Variants in STK32B observed in about 807,000 individuals in gnomAD.
STK32B encodes serine/threonine-protein kinase 32B.
STK32B carries 43 observed loss-of-function variants against 52.6 expected under a neutral mutation model. That is an observed-to-expected ratio of 0.82 (90% CI 0.64 to 1.05). The LOEUF (loss-of-function observed/expected upper bound fraction) is 1.05. STK32B is among the 50% of genes least tolerant of loss of function. STK32B has a pLI of 0.00. For synonymous variants in STK32B, 238 were observed against 204.3 expected, an observed-to-expected ratio of 1.17 and a Z score of -1.41; for missense variants, 621 against 534.6, an observed-to-expected ratio of 1.16 and a Z score of -1.59.
rs73211133 is a variant in STK32B at position 5,320,076 on chromosome 4, C to T, written c.261-11144C>T. ...GAGGGTGGAACAGACACTGATGAGC[C>T]AATTCAAGTCTCCACTCTACCTAGA... On this transcript the variant is annotated intron_variant, in intron 3 of 11. Transcript: ENST00000282908. Among the ~76,000 whole-genome samples, 181 of 152,278 alleles carry T rather than the reference C, an allele frequency of 1.2e-3. 1 individual carries two copies. The highest frequency in any genetic ancestry group is 2.2e-3 in the Non-Finnish European group (149 of 68,028).
At chr4:5,294,849 T>C (rs6446348) in intron 3 of STK32B, among the ~76,000 whole-genome samples, 20,832 of 152,016 alleles carry the variant, frequency 0.14, 2,872 homozygotes, top group African/African-American at 0.36. Context: ...TTGTCTTGTG[T>C]CAGTTTTCAA....
chr4:5,337,647 A>G (rs184068876), intron 4 of STK32B, among the ~76,000 whole-genome samples: 1 of 152,076 alleles, frequency 6.6e-6, no homozygotes, highest in African/African-American at 2.4e-5. Context: ...TTCCTGATGC[A>G]CCTGGCCTTG....
chr4:5,362,203 G>T (rs1010021086), intron 4 of STK32B, among the ~76,000 whole-genome samples: 1 of 152,094 alleles, frequency 6.6e-6, no homozygotes, highest in African/African-American at 2.4e-5. Flanking sequence ...TGTGTTCCTC[G>T]ATTTAAAGTT....
chr4:5,209,244 C>G (rs1351244503), intron 3 of STK32B, among the ~76,000 whole-genome samples: 2 of 152,134 alleles, frequency 1.3e-5, no homozygotes, highest in African/African-American at 4.8e-5. Context: ...TCTTTTGAGA[C>G]AGGGTCCTGC....
chr4:5,144,034 G>C (rs1374978520), intron 2 of STK32B, among the ~76,000 whole-genome samples: 1 of 152,188 alleles, frequency 6.6e-6, no homozygotes, highest in Non-Finnish European at 1.5e-5. Flanking sequence ...CCAGAGGAGT[G>C]ATCGGCTAGT....
chr4:5,498,709 C>A (rs1372472102), intron 11 of STK32B, among the ~76,000 whole-genome samples: 1 of 152,214 alleles, frequency 6.6e-6, no homozygotes, highest in Non-Finnish European at 1.5e-5. Context: ...ATTCTGTAGA[C>A]AGAGAAATTA....
chr4:5,127,161 C>T (rs1210306087), intron 1 of STK32B: 1 of 495,412 alleles, frequency 2.0e-6, no homozygotes, highest in Admixed American at 2.1e-5. Context: ...TACATTTTTA[C>T]TTATCTTTCC....
At chr4:5,301,024 G>A (rs927338877) in intron 3 of STK32B, among the ~76,000 whole-genome samples, 1 of 151,900 alleles carries the variant, frequency 6.6e-6, no homozygotes, top group Admixed American at 6.6e-5. Context: ...TGCTTTTTCT[G>A]AATATATTAA....
At chr4:5,392,816 T>C (rs1178195880) in intron 4 of STK32B, among the ~76,000 whole-genome samples, 1 of 152,138 alleles carries the variant, frequency 6.6e-6, no homozygotes, top group African/African-American at 2.4e-5. Context: ...CATAACACAC[T>C]TCAGATTGTC....
chr4:5,275,860 A>G (rs572510389), intron 3 of STK32B, among the ~76,000 whole-genome samples: 1 of 152,086 alleles, frequency 6.6e-6, no homozygotes, highest in Admixed American at 6.5e-5. Context: ...CTCTCATGTA[A>G]GATTTGTAGT....
At chr4:5,306,091 C>G (rs865783816) in intron 3 of STK32B, among the ~76,000 whole-genome samples, 2 of 152,020 alleles carry the variant, frequency 1.3e-5, no homozygotes, top group Admixed American at 6.6e-5. Flanking sequence ...TTTTGACTTT[C>G]CTAAATTTGT....
intron 3 of STK32B, among the ~76,000 whole-genome samples, chr4:5,296,507 C>A: frequency 6.6e-6 from 1 of 152,134 alleles, no homozygotes; most frequent in East Asian, 1.9e-4. Context: ...ATCCCTTTAC[C>A]ATTATGTAAT....
intron 3 of STK32B, among the ~76,000 whole-genome samples, chr4:5,265,570 G>T (rs1393639496): frequency 6.6e-6 from 1 of 152,108 alleles, no homozygotes; most frequent in African/African-American, 2.4e-5. Context: ...AACTACTAAT[G>T]CAAATATTCC....
chr4:5,310,457 T>G (rs1405406371), intron 3 of STK32B, among the ~76,000 whole-genome samples: 2 of 152,020 alleles, frequency 1.3e-5, no homozygotes, highest in Non-Finnish European at 2.9e-5. Flanking sequence ...CACTAATCAT[T>G]AGGGAAATGT....
intron 7 of STK32B, among the ~76,000 whole-genome samples, chr4:5,448,786 C>T (rs1306474501): frequency 1.3e-5 from 2 of 152,232 alleles, no homozygotes; most frequent in Non-Finnish European, 1.5e-5. Flanking sequence ...TTACGTACTA[C>T]TGTAAATCTT....
At chr4:5,287,322 A>T (rs988523973) in intron 3 of STK32B, among the ~76,000 whole-genome samples, 1 of 152,166 alleles carries the variant, frequency 6.6e-6, no homozygotes, top group African/African-American at 2.4e-5. Context: ...GTAAAGAGGT[A>T]TCACATTTTC....
intron 10 of STK32B, 68 bp downstream of exon 10, chr4:5,466,902 C>A (rs1717483032): frequency 1.3e-6 from 2 of 1,536,218 alleles, no homozygotes; most frequent in African/African-American, 1.4e-5. Context: ...CTGAGCCAGG[C>A]CACTGTTTAG....
chr4:5,297,781 G>C (rs1729301044), intron 3 of STK32B, among the ~76,000 whole-genome samples: 1 of 151,928 alleles, frequency 6.6e-6, no homozygotes, highest in Non-Finnish European at 1.5e-5. Context: ...GCCTACTTCT[G>C]TCAATTCATC....
At chr4:5,258,459 G>A (rs1466721647) in intron 3 of STK32B, among the ~76,000 whole-genome samples, 1 of 152,134 alleles carries the variant, frequency 6.6e-6, no homozygotes, top group African/African-American at 2.4e-5. Context: ...GCCTCTCAGG[G>A]CTCACAGAGC....
Sources: allele counts gnomAD v4.1 joint callset (sites outside exome capture counted in the v4.1 genomes callset), GRCh38; gene constraint gnomAD v4.1.1; transcripts MANE v1.5; gene names NCBI Gene and HGNC (gene_info 2026-07-23, HGNC 2026-07-21).